Variants in GRIK2 observed in about 807,000 individuals in gnomAD.
The protein encoded by GRIK2 is glutamate receptor ionotropic, kainate 2.
GRIK2 carries 32 observed loss-of-function variants against 100.3 expected under a neutral mutation model. The ratio of observed to expected loss-of-function variants is 0.32; its 90% CI spans 0.24 to 0.43. The LOEUF (loss-of-function observed/expected upper bound fraction) is 0.43, where lower values mean the gene tolerates loss of function less well. Ranked by LOEUF, GRIK2 falls within the 20% of genes least tolerant of loss-of-function variation. GRIK2 has a pLI of 1.00. For synonymous variants in GRIK2, 417 were observed against 389.4 expected (o/e 1.07, Z -0.83); for missense variants, 843 against 1,114.9 (o/e 0.76, Z 3.47).
intron 15 of GRIK2, among the ~76,000 whole-genome samples, chr6:102,046,406 T>A (rs1770888847): frequency 6.6e-6 from 1 of 152,018 alleles, no homozygotes; most frequent in Admixed American, 6.6e-5. Context: ...ATTAATTGGA[T>A]CATGGGGGCA....
intron 14 of GRIK2, among the ~76,000 whole-genome samples, chr6:102,006,390 A>ATTTTTTTTTT (rs34620995): frequency 6.1e-5 from 7 of 114,104 alleles, no homozygotes; most frequent in African/African-American, 3.2e-4. Flanking sequence ...ATATATATAT[A>ATTTTTTTTTT]TTTTTTTTTT....
At chr6:101,518,904 C>G (rs1774725738) in intron 2 of GRIK2, among the ~76,000 whole-genome samples, 1 of 152,114 alleles carries the variant, frequency 6.6e-6, no homozygotes, top group Admixed American at 6.6e-5. Context: ...CTTTTTAAGA[C>G]TAAATGCTGA....
chr6:101,635,255 G>C (rs1780948529), intron 4 of GRIK2, among the ~76,000 whole-genome samples: 1 of 152,012 alleles, frequency 6.6e-6, no homozygotes, highest in Non-Finnish European at 1.5e-5. Context: ...TGATTACATA[G>C]CTTGGTGTAG....
intron 7 of GRIK2, among the ~76,000 whole-genome samples, chr6:101,777,761 A>T (rs1778841260): frequency 6.6e-6 from 1 of 152,186 alleles, no homozygotes; most frequent in Admixed American, 6.5e-5. Flanking sequence ...TCCAGAATGG[A>T]TCTGCCACCT....
At position 101,786,215 on chromosome 6, in the gene GRIK2, G is replaced by GT. The variant is rs569417402; in HGVS notation, c.952-13427dup. Among the ~76,000 whole-genome samples the GT allele has an allele frequency of 2.6e-4, 39 of 151,024 alleles. 1 individual carries two copies. The East Asian group carries it at 6.6e-3, about 26-fold the overall frequency. ...ATAGAGTTTTTGGTGGAGTCTTTAG[G>GT]TTTTTTAAAACATAAGATCATGTCA... On this transcript the variant is annotated intron_variant, in intron 7 of 16. Coordinates refer to ENST00000369134, the MANE Select transcript of GRIK2 (RefSeq NM_021956.5).
At chr6:101,923,603 C>T (rs891935780) in intron 12 of GRIK2, among the ~76,000 whole-genome samples, 1 of 151,982 alleles carries the variant, frequency 6.6e-6, no homozygotes, top group African/African-American at 2.4e-5. Flanking sequence ...AACAGTGAGC[C>T]TCAGTATGAA....
At chr6:101,533,336 C>A (rs760843069) in intron 2 of GRIK2, among the ~76,000 whole-genome samples, 1 of 151,428 alleles carries the variant, frequency 6.6e-6, no homozygotes, top group Non-Finnish European at 1.5e-5. Context: ...AGGGGTAATA[C>A]AAGTGTACAA....
intron 2 of GRIK2, among the ~76,000 whole-genome samples, chr6:101,532,538 C>T (rs1382916621): frequency 6.8e-6 from 1 of 146,182 alleles, no homozygotes; most frequent in Non-Finnish European, 1.5e-5. Context: ...CTGGGGAGAC[C>T]TTTTTTTTTT....
intron 15 of GRIK2, among the ~76,000 whole-genome samples, chr6:102,041,146 A>G (rs1436176568): frequency 6.6e-6 from 1 of 151,612 alleles, no homozygotes; most frequent in Non-Finnish European, 1.5e-5. Context: ...GCTGCATGCT[A>G]CAATCTAGGA....
chr6:101,891,449 G>A (rs1392470540), intron 12 of GRIK2: 10 of 322,326 alleles, frequency 3.1e-5, no homozygotes, highest in South Asian at 1.7e-4. Context: ...CCTGGGAGGT[G>A]GAGGTTGCAG....
chr6:101,764,450 TGA>T (rs144599253), intron 7 of GRIK2, among the ~76,000 whole-genome samples: 11 of 151,676 alleles, frequency 7.3e-5, no homozygotes, highest in Non-Finnish European at 8.8e-5. Flanking sequence ...TGTGTATGTG[TGA>T]GAGAGAGAGA....
At chr6:101,410,185 A>G (rs909733574) in intron 2 of GRIK2, among the ~76,000 whole-genome samples, 1 of 152,086 alleles carries the variant, frequency 6.6e-6, no homozygotes, top group East Asian at 1.9e-4. Flanking sequence ...CTTTTTCATA[A>G]GTATATTGTT....
chr6:101,752,564 C>T lies in GRIK2; in HGVS notation c.952-47084C>T, dbSNP rs1257676086. On this transcript the variant is annotated intron_variant, in intron 7 of 16. Transcript: ENST00000369134. Reference sequence around the variant, plus strand: ...CCATTAAGAGTTTATTTTGATAATTCCAACTCAAATTTAGAACTACAATAA... The same window carrying T: ...CCATTAAGAGTTTATTTTGATAATTTCAACTCAAATTTAGAACTACAATAA... 5.3e-5 allele frequency among the ~76,000 whole-genome samples: 8 copies of T among 152,210 alleles called. No homozygotes were observed. In the South Asian group the frequency reaches 1.7e-3, roughly 32 times the overall value.
intron 7 of GRIK2, among the ~76,000 whole-genome samples, chr6:101,695,592 G>T (rs772524293): frequency 2.0e-5 from 3 of 151,836 alleles, no homozygotes; most frequent in Non-Finnish European, 4.4e-5. Flanking sequence ...CAGTGTCACT[G>T]GTCACAGTAT....
At chr6:101,652,646 A>G (rs1781855229) in intron 4 of GRIK2, among the ~76,000 whole-genome samples, 1 of 152,184 alleles carries the variant, frequency 6.6e-6, no homozygotes, top group Non-Finnish European at 1.5e-5. Flanking sequence ...TAAATAAATA[A>G]CAGTATGTTT....
rs776948566 is a variant in GRIK2 at position 101,799,685 on chromosome 6, T to C, written c.989T>C (p.Val330Ala). The change falls in exon 8 of 17, where the codon GTG (valine) becomes GCG (alanine). Residue 330 changes from valine (V) to alanine (A), a missense_variant. This residue lies in a region of GRIK2 where 519 missense variants were observed against 643.8 expected (regional missense o/e 0.81). Coordinates refer to ENST00000369134, the MANE Select transcript of GRIK2 (RefSeq NM_021956.5). ...AALMYDAVHV[V>A]SVAVQQFPQM... ...CTAATGTATGATGCTGTGCATGTGG[T>C]GTCTGTGGCCGTTCAACAGTTTCCC... The C allele has an allele frequency of 4.3e-6, 7 of 1,612,802 alleles. No homozygotes were observed. The Admixed American group carries it at 1.0e-4, about 23-fold the overall frequency.
At chr6:102,043,149 A>G (rs1490458241) in intron 15 of GRIK2, among the ~76,000 whole-genome samples, 1 of 151,758 alleles carries the variant, frequency 6.6e-6, no homozygotes, top group African/African-American at 2.4e-5. Flanking sequence ...CGTTTATATT[A>G]TTTAAAAAAA....
chr6:101,962,246 C>CG (rs1792351479), intron 14 of GRIK2, among the ~76,000 whole-genome samples: 1 of 152,000 alleles, frequency 6.6e-6, no homozygotes, highest in Admixed American at 6.6e-5. Flanking sequence ...ACTCTTCCCT[C>CG]GGTATTCCAC....
chr6:101,934,686 G>C (rs1582567566), intron 14 of GRIK2, among the ~76,000 whole-genome samples: 1 of 151,946 alleles, frequency 6.6e-6, no homozygotes, highest in East Asian at 1.9e-4. Context: ...TGTAAATATA[G>C]GCAAAACAGA....
Sources: gnomAD v4.1 joint callset for allele counts (sites outside exome capture counted in the v4.1 genomes callset) on GRCh38, gnomAD v4.1.1 for gene constraint, gnomAD v4.1.1 regional missense constraint, MANE v1.5 for transcripts, NCBI Gene and HGNC (gene_info 2026-07-23, HGNC 2026-07-21) for gene names.